Variants in GRID2 observed in about 807,000 individuals in gnomAD.
GRID2 encodes glutamate ionotropic receptor delta type subunit 2.
In GRID2, 33 loss-of-function variants were observed where a neutral mutation model predicts 114.8. The ratio of observed to expected loss-of-function variants is 0.29; its 90% CI spans 0.22 to 0.38. GRID2 has a LOEUF of 0.38. GRID2 is among the 10% of genes least tolerant of loss of function. GRID2 has a pLI of 1.00. For missense variants in GRID2, 1,184 were observed against 1,257.7 expected (o/e 0.94, Z 0.89); for synonymous variants, 505 against 449.9 (o/e 1.12, Z -1.55).
At chr4:93,145,789 C>T (rs1430416394) in intron 4 of GRID2, among the ~76,000 whole-genome samples, 1 of 151,010 alleles carries the variant, frequency 6.6e-6, no homozygotes, top group African/African-American at 2.4e-5. Flanking sequence ...AACCACAGCC[C>T]ACAGCACCTG....
intron 2 of GRID2, among the ~76,000 whole-genome samples, chr4:93,021,634 T>C (rs1394970225): frequency 6.9e-6 from 1 of 145,382 alleles, no homozygotes; most frequent in Non-Finnish European, 1.5e-5. Context: ...ATATTATCAC[T>C]ATATTATAAA....
intron 1 of GRID2, among the ~76,000 whole-genome samples, chr4:92,400,760 C>A (rs1029910222): frequency 3.3e-5 from 5 of 152,062 alleles, no homozygotes; most frequent in African/African-American, 1.2e-4. Context: ...TTTACCCTCA[C>A]AAACACTTAT....
intron 2 of GRID2, among the ~76,000 whole-genome samples, chr4:92,854,769 T>C (rs1259543132): frequency 6.6e-6 from 1 of 152,008 alleles, no homozygotes; most frequent in Non-Finnish European, 1.5e-5. Flanking sequence ...AAAAATGTAT[T>C]ATTAATGTAA....
intron 2 of GRID2, among the ~76,000 whole-genome samples, chr4:92,614,943 G>GTT (rs201198597): frequency 1.4e-5 from 2 of 140,010 alleles, no homozygotes; most frequent in South Asian, 2.2e-4. Flanking sequence ...ACTTTGCTAT[G>GTT]TTTTTTTTTT....
intron 14 of GRID2, among the ~76,000 whole-genome samples, chr4:93,688,691 G>A (rs1402862354): frequency 6.6e-6 from 1 of 151,710 alleles, no homozygotes; most frequent in Non-Finnish European, 1.5e-5. Flanking sequence ...CTAGCATAAT[G>A]CCTGGAAAAG....
intron 13 of GRID2, among the ~76,000 whole-genome samples, chr4:93,570,486 ATAAC>A (rs1366561493): frequency 6.6e-6 from 1 of 152,202 alleles, no homozygotes; most frequent in Non-Finnish European, 1.5e-5. Context: ...GTCGGGGAAA[ATAAC>A]TACTCTAGAG....
intron 4 of GRID2, among the ~76,000 whole-genome samples, chr4:93,130,178 G>C (rs766105045): frequency 2.0e-5 from 3 of 152,164 alleles, no homozygotes; most frequent in Non-Finnish European, 2.9e-5. Flanking sequence ...GGTGGCTCAC[G>C]CCTGTAATCC....
chr4:92,681,383 C>T (rs987267137), intron 2 of GRID2, among the ~76,000 whole-genome samples: 6 of 152,130 alleles, frequency 3.9e-5, no homozygotes, highest in East Asian at 1.9e-4. Flanking sequence ...TCAATTCCCA[C>T]CTATGAGTGA....
At chr4:92,985,789 T>G (rs1240219743) in intron 2 of GRID2, among the ~76,000 whole-genome samples, 1 of 152,192 alleles carries the variant, frequency 6.6e-6, no homozygotes, top group East Asian at 1.9e-4. Context: ...TCAGATGTTG[T>G]CACTCAGCCA....
At chr4:93,312,018 G>A (rs773168099) in intron 8 of GRID2, among the ~76,000 whole-genome samples, 1 of 152,042 alleles carries the variant, frequency 6.6e-6, no homozygotes, top group Non-Finnish European at 1.5e-5. Flanking sequence ...AGGCAGGAGA[G>A]ATTTGAATAT....
intron 1 of GRID2, among the ~76,000 whole-genome samples, chr4:92,508,438 A>G (rs1724082554): frequency 6.6e-6 from 1 of 151,954 alleles, no homozygotes; most frequent in Non-Finnish European, 1.5e-5. Flanking sequence ...AAATCAACGA[A>G]TGGTATATTT....
intron 2 of GRID2, among the ~76,000 whole-genome samples, chr4:92,603,846 A>G (rs1729333815): frequency 6.6e-6 from 1 of 152,136 alleles, no homozygotes; most frequent in Admixed American, 6.6e-5. Context: ...GAAGAGAAAA[A>G]CAACTCCATT....
At chr4:92,368,953 A>G (rs1579250568) in intron 1 of GRID2, among the ~76,000 whole-genome samples, 2 of 151,836 alleles carry the variant, frequency 1.3e-5, no homozygotes. Flanking sequence ...GAAAAAAAAA[A>G]AAAAAAGTAT....
At chr4:93,337,754 TA>T (rs922227771) in intron 8 of GRID2, among the ~76,000 whole-genome samples, 1 of 152,188 alleles carries the variant, frequency 6.6e-6, no homozygotes, top group Non-Finnish European at 1.5e-5. Flanking sequence ...GCCGGACAAA[TA>T]AAAATGTTTA....
intron 8 of GRID2, among the ~76,000 whole-genome samples, chr4:93,264,693 T>C (rs1750604925): frequency 8.3e-6 from 1 of 120,054 alleles, no homozygotes; most frequent in Admixed American, 1.0e-4. Context: ...CAAGGAGTTA[T>C]GTTTGAGTTT....
intron 2 of GRID2, among the ~76,000 whole-genome samples, chr4:92,796,679 A>G (rs1739891410): frequency 6.6e-6 from 1 of 151,904 alleles, no homozygotes; most frequent in Non-Finnish European, 1.5e-5. Flanking sequence ...TGATTTTCCT[A>G]ATGGCATCTG....
At chr4:93,032,032 T>C (rs891557807) in intron 2 of GRID2, among the ~76,000 whole-genome samples, 3 of 152,092 alleles carry the variant, frequency 2.0e-5, no homozygotes, top group African/African-American at 7.2e-5. Flanking sequence ...CAGCAACCTA[T>C]AATTTAATAA....
intron 1 of GRID2, among the ~76,000 whole-genome samples, chr4:92,439,714 C>T (rs893059978): frequency 1.4e-5 from 2 of 145,690 alleles, no homozygotes; most frequent in African/African-American, 2.4e-5. Flanking sequence ...GAAAAACAGG[C>T]ATAAAAGGTT....
intron 11 of GRID2, among the ~76,000 whole-genome samples, chr4:93,481,874 G>A (rs1725908979): frequency 6.6e-6 from 1 of 151,990 alleles, no homozygotes; most frequent in Admixed American, 6.6e-5. Context: ...CAGAGGGATT[G>A]CAGGCTTGAT....
Sources: gnomAD v4.1 joint callset for allele counts (sites outside exome capture counted in the v4.1 genomes callset) on GRCh38, gnomAD v4.1.1 for gene constraint, MANE v1.5 for transcripts, NCBI Gene and HGNC (gene_info 2026-07-23, HGNC 2026-07-21) for gene names.